Variants in AFF2 observed in about 807,000 individuals in gnomAD.
AFF2 encodes the protein AF4/FMR2 family member 2.
In AFF2, 14 loss-of-function variants were observed where a neutral mutation model predicts 76.9. That is an observed-to-expected ratio of 0.18 (90% CI 0.12 to 0.28). AFF2 has a LOEUF of 0.28. AFF2 is among the 10% of genes least tolerant of loss of function. The pLI, the probability that AFF2 is intolerant of heterozygous loss-of-function variation, is 1.00. For missense variants in AFF2, 868 were observed against 1,001.1 expected, an observed-to-expected ratio of 0.87 and a Z score of 1.79; for synonymous variants, 398 against 366.7, an observed-to-expected ratio of 1.09 and a Z score of -0.98.
intron 1 of AFF2, among the ~76,000 whole-genome samples, chrX:148,557,704 C>A (rs1557239869): frequency 8.9e-6 from 1 of 112,298 alleles, no homozygotes; most frequent in Non-Finnish European, 1.9e-5. Context: ...AACAACCTGT[C>A]ACGTATAATA....
At chrX:148,710,888 G>T (rs782674516) in intron 3 of AFF2, among the ~76,000 whole-genome samples, 1 of 111,704 alleles carries the variant, frequency 9.0e-6, no homozygotes, top group Non-Finnish European at 1.9e-5. Flanking sequence ...TGGATGAACT[G>T]TAAGAATTAT....
At chrX:148,608,175 A>G (rs1293693687) in intron 1 of AFF2, among the ~76,000 whole-genome samples, 2 of 111,784 alleles carry the variant, frequency 1.8e-5, no homozygotes, top group African/African-American at 3.3e-5. Context: ...ATTGGATTAT[A>G]TAGTTTTGGG....
At chrX:148,984,882 G>A (rs1319278171) in intron 19 of AFF2, among the ~76,000 whole-genome samples, 1 of 111,455 alleles carries the variant, frequency 9.0e-6, no homozygotes, top group African/African-American at 3.3e-5. Context: ...TATGCTCAGG[G>A]GCACACAGCA....
intron 1 of AFF2, among the ~76,000 whole-genome samples, chrX:148,589,480 G>C (rs782721193): frequency 8.9e-6 from 1 of 112,288 alleles, no homozygotes; most frequent in Non-Finnish European, 1.9e-5. Context: ...GTGACATTTG[G>C]AAAGGATAAT....
chrX:148,585,070 G>T (rs2053453605), intron 1 of AFF2, among the ~76,000 whole-genome samples: 1 of 112,182 alleles, frequency 8.9e-6, no homozygotes, highest in Non-Finnish European at 1.9e-5. Flanking sequence ...TTCCAAGGAA[G>T]CCCTGACTCC....
At chrX:148,730,454 AAACTT>A (rs782304790) in intron 3 of AFF2, among the ~76,000 whole-genome samples, 3 of 112,436 alleles carry the variant, frequency 2.7e-5, no homozygotes, top group Non-Finnish European at 5.6e-5. Context: ...ATCATGATGA[AAACTT>A]TAAGAAAAAA....
intron 8 of AFF2, among the ~76,000 whole-genome samples, chrX:148,891,822 A>G: frequency 8.9e-6 from 1 of 112,044 alleles, no homozygotes; most frequent in Non-Finnish European, 1.9e-5. Flanking sequence ...TAAAAGCCAT[A>G]AAAGAGATGG....
At chrX:148,779,971 G>C (rs1810110783) in intron 3 of AFF2, among the ~76,000 whole-genome samples, 1 of 111,920 alleles carries the variant, frequency 8.9e-6, no homozygotes, top group Admixed American at 9.5e-5. Context: ...GCATTTGCTT[G>C]TCTGTAAAGC....
chrX:148,630,062 T>A (rs2053964873), intron 1 of AFF2, among the ~76,000 whole-genome samples: 2 of 111,804 alleles, frequency 1.8e-5, no homozygotes, highest in African/African-American at 3.3e-5. Context: ...AGCTGATACA[T>A]TCCATTTTAC....
intron 1 of AFF2, among the ~76,000 whole-genome samples, chrX:148,528,403 C>G (rs1440562988): frequency 8.9e-6 from 1 of 111,939 alleles, no homozygotes; most frequent in Admixed American, 9.5e-5. Context: ...ACTTCCTACT[C>G]TTGTTAAAGG....
At chrX:148,787,766 A>C (rs782105634) in intron 3 of AFF2, among the ~76,000 whole-genome samples, 1 of 112,313 alleles carries the variant, frequency 8.9e-6, no homozygotes, top group East Asian at 2.8e-4. Flanking sequence ...TGATTTTTTC[A>C]CACTGTGTCA....
intron 8 of AFF2, among the ~76,000 whole-genome samples, chrX:148,891,655 T>A (rs2071224926): frequency 9.0e-6 from 1 of 111,676 alleles, no homozygotes; most frequent in Admixed American, 9.6e-5. Context: ...GATATTATGA[T>A]GTCTGATTTC....
Position 148,958,363 on chromosome X carries a change from T to C in AFF2, c.2595T>C (p.Pro865=), listed in dbSNP as rs1393773486. The stretch of plus-strand genomic sequence containing the variant: ...CAATAGAAGTTGCAGAGAAGATCCC[T>C]GAGAAGAAGCAGCGCCTGGAGGAGG... ...HKPIEVAEKI[P]EKKQRLEEAT... The change falls in exon 12 of 21, where the codon CCT becomes CCC. Residue 865 remains proline, a synonymous_variant. Coordinates refer to ENST00000370460, the MANE Select transcript of AFF2 (RefSeq NM_002025.4). The C allele has an allele frequency of 3.3e-6, 4 of 1,209,751 alleles. No individual in the cohort carries two copies. In the Admixed American group the frequency reaches 6.6e-5, roughly 20 times the overall value.
intron 1 of AFF2, among the ~76,000 whole-genome samples, chrX:148,551,484 A>G (rs1557238897): frequency 4.1e-5 from 2 of 48,475 alleles, no homozygotes; most frequent in Non-Finnish European, 8.0e-5. Flanking sequence ...TGGGAAGTGA[A>G]AAAAAAAAAA....
intron 3 of AFF2, among the ~76,000 whole-genome samples, chrX:148,756,727 G>A (rs782490917): frequency 8.9e-6 from 1 of 112,721 alleles, no homozygotes; most frequent in Non-Finnish European, 1.9e-5. Context: ...CTTTCTGGAT[G>A]ATTAGATATA....
At chrX:148,629,668 T>A (rs1169802983) in intron 1 of AFF2, among the ~76,000 whole-genome samples, 2 of 111,644 alleles carry the variant, frequency 1.8e-5, no homozygotes, top group Non-Finnish European at 3.8e-5. Flanking sequence ...ACAAGGAAGC[T>A]TTTTATAGAA....
chrX:148,959,067 G>A (rs948103679), intron 12 of AFF2, among the ~76,000 whole-genome samples: 1 of 108,971 alleles, frequency 9.2e-6, no homozygotes, highest in African/African-American at 3.4e-5. Context: ...CTCCCAGACA[G>A]CTCATCTCTC....
At chrX:148,919,649 C>G (rs1208165493) in intron 9 of AFF2, among the ~76,000 whole-genome samples, 1 of 110,891 alleles carries the variant, frequency 9.0e-6, no homozygotes, top group Non-Finnish European at 1.9e-5. Context: ...TATAGGTTCA[C>G]TTTTCATATT....
At chrX:148,808,682 A>C (rs782546273) in intron 3 of AFF2, among the ~76,000 whole-genome samples, 1 of 111,725 alleles carries the variant, frequency 9.0e-6, no homozygotes, top group East Asian at 2.8e-4. Flanking sequence ...TGTCTCCCCT[A>C]TTTGGGATTT....
Sources: allele counts gnomAD v4.1 joint callset (sites outside exome capture counted in the v4.1 genomes callset), GRCh38; gene constraint gnomAD v4.1.1; transcripts MANE v1.5; gene names NCBI Gene and HGNC (gene_info 2026-07-23, HGNC 2026-07-21).